Variants in GABPB1 observed in about 807,000 individuals in gnomAD.
GABPB1 encodes the protein GA-binding protein subunit beta-1.
GABPB1 carries 15 observed loss-of-function variants against 45.9 expected under a neutral mutation model. The observed-to-expected ratio is 0.33, with a 90% CI of 0.22 to 0.50. The LOEUF is 0.50. Among genes scored for constraint, GABPB1 ranks in the 20% least tolerant of loss-of-function variants. The pLI is 0.98. For synonymous variants in GABPB1, 143 were observed against 154.4 expected, an observed-to-expected ratio of 0.93 and a Z score of 0.55; for missense variants, 252 against 457.5, an observed-to-expected ratio of 0.55 and a Z score of 4.10.
Position 50,309,760 on chromosome 15 carries a change from C to G in GABPB1, c.39G>C (p.Ala13=), listed in dbSNP as rs566098729. Reference sequence around the variant, plus strand: ...CTTCATCATCTTGACCTGCTCGTGCCGCTTCTAAAAGCTTCTTTCCCAAAT... The same window carrying G: ...CTTCATCATCTTGACCTGCTCGTGCGGCTTCTAAAAGCTTCTTTCCCAAAT... The part of the protein sequence containing the change: ...LVDLGKKLLE[A]ARAGQDDEVR... The change falls in exon 2 of 9, where the codon GCG becomes GCC. Residue 13 remains alanine, a synonymous_variant. Transcript: ENST00000380877. 6.2e-7 allele frequency: 1 copy of G among 1,613,368 alleles called. No individual in the cohort carries two copies. The highest frequency in any genetic ancestry group is 8.5e-7 in the Non-Finnish European group (1 of 1,179,570).
intron 1 of GABPB1, among the ~76,000 whole-genome samples, chr15:50,344,794 C>T (rs751726560): frequency 5.9e-5 from 9 of 151,968 alleles, no homozygotes; most frequent in Non-Finnish European, 8.8e-5. Flanking sequence ...GCCAAGATTG[C>T]GCCATTGCAC....
intron 8 of GABPB1, among the ~76,000 whole-genome samples, chr15:50,283,844 C>G (rs2046074806): frequency 1.3e-5 from 2 of 152,180 alleles, no homozygotes; most frequent in Admixed American, 1.3e-4. Context: ...GACAGTCACT[C>G]TGGTCATTGC....
At chr15:50,345,008 A>G (rs991228772) in intron 1 of GABPB1, among the ~76,000 whole-genome samples, 1 of 152,202 alleles carries the variant, frequency 6.6e-6, no homozygotes, top group African/African-American at 2.4e-5. Flanking sequence ...AATATCCAGT[A>G]AACTACTGGA....
In GABPB1 at chr15:50,338,165, G is replaced by A. The variant is rs112348763; in HGVS notation, c.-1+16820C>T. On this transcript the variant is annotated intron_variant, in intron 1 of 8. Transcript: ENST00000380877. ...AGTGATTCTCCTGCCTCAGCCTCCC[G>A]AGTAGCTGGGATTACAGGCACGTGC... 8.6e-3 allele frequency among the ~76,000 whole-genome samples: 1,306 copies of A among 152,046 alleles called. 6 individuals are homozygous for A. The highest frequency in any genetic ancestry group is 0.019 in the South Asian group (92 of 4,816).
chr15:50,298,806 G>T (rs2046616103), intron 6 of GABPB1, among the ~76,000 whole-genome samples: 2 of 152,106 alleles, frequency 1.3e-5, no homozygotes, highest in Admixed American at 1.3e-4. Context: ...ACAAAAAATA[G>T]CTGGGTGTGG....
chr15:50,352,759 T>C (rs1032960354), intron 1 of GABPB1: 2 of 152,252 alleles, frequency 1.3e-5, no homozygotes, highest in African/African-American at 4.8e-5. Flanking sequence ...GATGGAACAG[T>C]AGAGAACTAT....
intron 1 of GABPB1, among the ~76,000 whole-genome samples, chr15:50,343,022 C>A (rs2048434691): frequency 1.3e-5 from 2 of 152,118 alleles, no homozygotes. Flanking sequence ...GCCTCAGCGT[C>A]CCGAGTAGCT....
chr15:50,299,224 C>A (rs970893020), intron 6 of GABPB1, among the ~76,000 whole-genome samples: 1 of 151,962 alleles, frequency 6.6e-6, no homozygotes, highest in African/African-American at 2.4e-5. Context: ...AAGCACTGAA[C>A]CAAATATAAT....
At chr15:50,354,175 GA>G (rs766348537) in intron 1 of GABPB1, 1 of 338,004 alleles carries the variant, frequency 3.0e-6, no homozygotes, top group Non-Finnish European at 5.8e-6. Context: ...AACACACAGT[GA>G]TGAACTGTGC....
chr15:50,342,123 T>C (rs1156640004), intron 1 of GABPB1, among the ~76,000 whole-genome samples: 1 of 152,132 alleles, frequency 6.6e-6, no homozygotes, highest in Non-Finnish European at 1.5e-5. Flanking sequence ...GTAGTCCTAT[T>C]CTCCCTCCAA....
chr15:50,279,421 T>C (rs1327116314), intron 8 of GABPB1, among the ~76,000 whole-genome samples: 1 of 152,180 alleles, frequency 6.6e-6, no homozygotes, highest in Non-Finnish European at 1.5e-5. Flanking sequence ...CTGATCAAGA[T>C]CAGTATTTCC....
intron 1 of GABPB1, chr15:50,351,781 AG>A (rs2048840637): frequency 6.6e-6 from 1 of 152,200 alleles, no homozygotes; most frequent in Non-Finnish European, 1.5e-5. Context: ...GTCAACACTG[AG>A]AAAAAACACA....
chr15:50,311,788 TTCTA>T (rs2047138842), intron 1 of GABPB1, among the ~76,000 whole-genome samples: 1 of 152,128 alleles, frequency 6.6e-6, no homozygotes, highest in Non-Finnish European at 1.5e-5. Flanking sequence ...AAACAAAATG[TTCTA>T]CATCATTAAA....
At position 50,322,311 on chromosome 15, in the gene GABPB1, T is replaced by G. The variant is rs563886292; in HGVS notation, c.1-12513A>C. ...ACTCATACCTGTAATCCCAGCCCTT[T>G]GGGAAGCCAATGCCAGAGGATAACT... On this transcript the variant is annotated intron_variant, in intron 1 of 8. Transcript: ENST00000380877. Among the ~76,000 whole-genome samples, 211 of 151,912 alleles carry G rather than the reference T, an allele frequency of 1.4e-3. 3 individuals are homozygous for G. The highest frequency in any genetic ancestry group is 4.9e-3 in the African/African-American group (205 of 41,426).
chr15:50,287,184 A>G (rs2046192269), intron 7 of GABPB1, among the ~76,000 whole-genome samples: 1 of 152,134 alleles, frequency 6.6e-6, no homozygotes, highest in Admixed American at 6.5e-5. Context: ...CATGTAAACT[A>G]TATATTTTTA....
chr15:50,313,000 T>C lies in GABPB1; in HGVS notation c.1-3202A>G, dbSNP rs184076241. Among the ~76,000 whole-genome samples the C allele has an allele frequency of 1.6e-4, 24 of 152,300 alleles. No individual in the cohort carries two copies. In the East Asian group the frequency reaches 2.9e-3, roughly 18 times the overall value. On this transcript the variant is annotated intron_variant, in intron 1 of 8. Coordinates refer to ENST00000380877, the MANE Select transcript of GABPB1 (RefSeq NM_016654.5). ...CTTATGTTCTTTCTTTGATAACACA[T>C]AGTATTTTCTATGGGTAGATAACTG...
At chr15:50,326,984 T>C (rs755335269) in intron 1 of GABPB1, among the ~76,000 whole-genome samples, 2 of 152,220 alleles carry the variant, frequency 1.3e-5, no homozygotes, top group African/African-American at 4.8e-5. Context: ...AGGGGGCCCA[T>C]GGATTTTACT....
chr15:50,343,520 AC>A (rs993709415), intron 1 of GABPB1, among the ~76,000 whole-genome samples: 13 of 151,700 alleles, frequency 8.6e-5, no homozygotes, highest in African/African-American at 3.1e-4. Flanking sequence ...GATAGCTACC[AC>A]ATCCCACCAA....
rs2046338719 is a variant in GABPB1, at chr15:50,291,467, T to G, written c.698-1799A>C. 2.0e-5 allele frequency among the ~76,000 whole-genome samples: 3 copies of G among 151,522 alleles called. No homozygotes were observed. In the South Asian group the frequency reaches 6.2e-4, roughly 32 times the overall value. ...CCAAGTAACTGGGAATACAGGTGTG[T>G]GCCACCACGCCTGGTAATTTTTTTT... On this transcript the variant is annotated intron_variant, in intron 6 of 8. Transcript: ENST00000380877.
Sources: gnomAD v4.1 joint callset for allele counts (sites outside exome capture counted in the v4.1 genomes callset) on GRCh38, gnomAD v4.1.1 for gene constraint, MANE v1.5 for transcripts, NCBI Gene and HGNC (gene_info 2026-07-23, HGNC 2026-07-21) for gene names.